The following ZNF2 variants were observed in gnomAD, a reference collection of about 807,000 sequenced individuals.
ZNF2 encodes the protein zinc finger protein 2.
In ZNF2, 12 loss-of-function variants were observed where a neutral mutation model predicts 21.9. That is an observed-to-expected ratio of 0.55 (90% CI 0.35 to 0.89). The LOEUF is 0.89. Ranked by LOEUF, ZNF2 falls within the 40% of genes least tolerant of loss-of-function variation. ZNF2 has a pLI of 0.01. For missense variants in ZNF2, 462 were observed against 544.2 expected (o/e 0.85, Z 1.50); for synonymous variants, 186 against 196.3 (o/e 0.95, Z 0.44).
intron 1 of ZNF2, among the ~76,000 whole-genome samples, chr2:95,167,438 G>A (rs1375889009): frequency 6.6e-6 from 1 of 150,894 alleles, no homozygotes; most frequent in African/African-American, 2.4e-5. Context: ...CCCGGCAGGC[G>A]GAGCTTGCAG....
chr2:95,178,375 A>AC (rs1460538586), intron 3 of ZNF2, among the ~76,000 whole-genome samples: 1 of 152,056 alleles, frequency 6.6e-6, no homozygotes, highest in Non-Finnish European at 1.5e-5. Context: ...AAGTGCTAAC[A>AC]CCCCCCAGAT....
chr2:95,177,469 G>A lies in ZNF2; in HGVS notation c.34-14G>A. On this transcript the variant is annotated splice_polypyrimidine_tract_variant and intron_variant, in intron 2 of 4. Transcript: ENST00000614034. ...AAGGATTAAGAGTAAGGGAGAATGTGATTGTATTTTCAGGAATCAGTGACA... is the reference window on the plus strand; with the variant it reads ...AAGGATTAAGAGTAAGGGAGAATGTAATTGTATTTTCAGGAATCAGTGACA... The A allele has an allele frequency of 6.2e-7, 1 of 1,613,036 alleles. No homozygotes were observed. Among genetic ancestry groups the A allele is most frequent in the Non-Finnish European group, 8.5e-7 (1 of 1,179,400 alleles).
intron 3 of ZNF2, among the ~76,000 whole-genome samples, chr2:95,178,102 A>G (rs1389836298): frequency 2.6e-5 from 4 of 152,128 alleles, no homozygotes; most frequent in Admixed American, 6.5e-5. Context: ...GATTTTGAAT[A>G]TTTGTCTTAG....
intron 1 of ZNF2, among the ~76,000 whole-genome samples, chr2:95,170,478 G>A (rs1239565896): frequency 6.6e-6 from 1 of 152,048 alleles, no homozygotes; most frequent in Non-Finnish European, 1.5e-5. Context: ...GAGCTGTCTG[G>A]CAACTTTTAA....
At chr2:95,170,798 G>A (rs1248326877) in intron 1 of ZNF2, among the ~76,000 whole-genome samples, 1 of 152,172 alleles carries the variant, frequency 6.6e-6, no homozygotes, top group Non-Finnish European at 1.5e-5. Context: ...TGTTAGTAGA[G>A]CCCATTTCTC....
Position 95,181,297 on chromosome 2 carries a change from C to A in ZNF2, c.469C>A (p.Arg157=). The A allele has an allele frequency of 6.2e-7, 1 of 1,614,168 alleles. No individual in the cohort carries two copies. Among genetic ancestry groups the A allele is most frequent in the South Asian group, 1.1e-5 (1 of 91,084 alleles). Residue 157 remains arginine, a synonymous_variant, in exon 5 of 5, where the codon CGG becomes AGG. Coordinates refer to ENST00000614034, the MANE Select transcript of ZNF2 (RefSeq NM_021088.4). ...KKSLSRDKGL[R]RRSALSREIL... is the part of the protein sequence containing the mutation. ...ATCCCTCTCCCGGGACAAAGGCTTG[C>A]GGCGACGGTCAGCCCTGTCCAGGGA...
intron 3 of ZNF2, among the ~76,000 whole-genome samples, chr2:95,178,950 T>G (rs928883697): frequency 1.3e-5 from 2 of 152,036 alleles, no homozygotes; most frequent in African/African-American, 4.8e-5. Flanking sequence ...AAAATCAGCT[T>G]TACAAATCAG....
rs373286910 is a variant in ZNF2, at chr2:95,180,175, A to G, written c.177A>G (p.Gln59=). The change falls in exon 4 of 5, where the codon CAA becomes CAG. Residue 59 remains glutamine, a synonymous_variant. Transcript: ENST00000614034. The part of the protein sequence containing the change: ...SIVSLGLPVP[Q]PDVIFQLKRG... ...TTTGAGCAGGCCTTCCAGTTCCTCA[A>G]CCTGATGTGATTTTCCAATTGAAGA... The G allele has an allele frequency of 1.9e-6, 3 of 1,613,820 alleles. No individual in the cohort carries two copies. The highest frequency in any genetic ancestry group is 1.7e-5 in the Admixed American group (1 of 60,002).
intron 1 of ZNF2, among the ~76,000 whole-genome samples, chr2:95,170,609 T>C (rs1325894492): frequency 6.6e-6 from 1 of 152,266 alleles, no homozygotes; most frequent in Non-Finnish European, 1.5e-5. Context: ...TAGAGTTAAA[T>C]GCTACCAAAC....
intron 1 of ZNF2, among the ~76,000 whole-genome samples, chr2:95,174,242 C>T (rs549026451): frequency 4.7e-4 from 71 of 152,238 alleles, no homozygotes; most frequent in African/African-American, 1.5e-3. Flanking sequence ...TACTTATTTC[C>T]TAGTATAAAT....
intron 4 of ZNF2, among the ~76,000 whole-genome samples, 187 bp downstream of exon 4, chr2:95,180,459 C>G (rs1674600416): frequency 6.6e-6 from 1 of 151,732 alleles, no homozygotes; most frequent in Admixed American, 6.6e-5. Context: ...CTATATTCAC[C>G]AAGTGTTACT....
rs140835831 is a variant in ZNF2 at position 95,182,196 on chromosome 2, C to T, written c.*90C>T. 212 of 1,479,106 alleles carry T rather than the reference C, an allele frequency of 1.4e-4. 1 individual carries two copies. The African/African-American group carries it at 2.6e-3, about 18-fold the overall frequency. The allele number at this position is 1,479,106 out of a possible 1,614,324, so 91.6% of individuals were successfully genotyped here. A position where few individuals can be genotyped will look rare whatever the true frequency, so the allele number is the denominator to read the frequency against. On this transcript the variant is annotated 3_prime_UTR_variant, in exon 5 of 5. Transcript: ENST00000614034. ...TAAAGCTGCCATTTGCTCATTCTAC[C>T]CACTCTGGCTGCCGTTGTCCTGTCC...
At chr2:95,169,254 A>G (rs1337712007) in intron 1 of ZNF2, among the ~76,000 whole-genome samples, 1 of 152,192 alleles carries the variant, frequency 6.6e-6, no homozygotes, top group East Asian at 1.9e-4. Flanking sequence ...ACCATTTGTA[A>G]TTCGTTCAGT....
intron 1 of ZNF2, among the ~76,000 whole-genome samples, chr2:95,171,309 C>T (rs994361736): frequency 1.3e-5 from 2 of 152,058 alleles, no homozygotes; most frequent in Admixed American, 6.6e-5. Flanking sequence ...ATTGGTAACC[C>T]GGGCGTCATC....
At chr2:95,172,928 C>T (rs1450373637) in intron 1 of ZNF2, among the ~76,000 whole-genome samples, 2 of 150,222 alleles carry the variant, frequency 1.3e-5, no homozygotes, top group African/African-American at 4.9e-5. Context: ...TGAGCCACTG[C>T]ACCTGGCCGT....
At chr2:95,166,085 C>A (rs966598407) in intron 1 of ZNF2, among the ~76,000 whole-genome samples, 1 of 151,884 alleles carries the variant, frequency 6.6e-6, no homozygotes, top group Non-Finnish European at 1.5e-5. Context: ...GTATGTCGGT[C>A]CCGGACTTTA....
In ZNF2 at chr2:95,181,944, C is replaced by G; in HGVS notation, c.1116C>G (p.Ser372Arg). 1 of 1,614,256 alleles carries G rather than the reference C, an allele frequency of 6.2e-7. No homozygotes were observed. ...IHTGDKPYEC[S>R]ECGKAFSQRC... ...CTGGAGACAAGCCATATGAATGCAG[C>G]GAATGCGGGAAAGCCTTTAGCCAGC... Residue 372 changes from serine to arginine, a missense_variant, in exon 5 of 5, where the codon AGC becomes AGG. Transcript: ENST00000614034.
intron 1 of ZNF2, among the ~76,000 whole-genome samples, chr2:95,170,565 G>A (rs747243143): frequency 2.2e-4 from 34 of 152,240 alleles, no homozygotes; most frequent in South Asian, 4.1e-4. Flanking sequence ...GAAAATCCCC[G>A]AATATCCAAG....
intron 3 of ZNF2, among the ~76,000 whole-genome samples, chr2:95,178,300 A>G (rs1674517201): frequency 6.6e-6 from 1 of 152,178 alleles, no homozygotes; most frequent in African/African-American, 2.4e-5. Context: ...ACCGGCTTAA[A>G]ATAAGCAGCA....
Sources: allele counts gnomAD v4.1 joint callset (sites outside exome capture counted in the v4.1 genomes callset), GRCh38; gene constraint gnomAD v4.1.1; transcripts MANE v1.5; gene names NCBI Gene and HGNC (gene_info 2026-07-23, HGNC 2026-07-21).